The following PCDH9 variants were observed in gnomAD, a reference collection of about 807,000 sequenced individuals.
PCDH9 encodes the protein protocadherin-9.
Under a neutral mutation model 70.6 loss-of-function variants are expected in PCDH9, and 24 were observed. The ratio of observed to expected loss-of-function variants is 0.34; its 90% confidence interval spans 0.25 to 0.48. PCDH9 has a LOEUF of 0.48. PCDH9 is among the 20% of genes least tolerant of loss of function. The probability of loss-of-function intolerance (pLI) is 0.99; values close to 1 mark genes in which losing one functional copy is unlikely to be tolerated. For missense variants in PCDH9, 1,281 were observed against 1,503.6 expected (o/e 0.85, Z 2.45); for synonymous variants, 562 against 558.5 (o/e 1.01, Z -0.09).
intron 3 of PCDH9, among the ~76,000 whole-genome samples, chr13:66,632,801 C>T (rs111584922): frequency 0.013 from 1,911 of 151,802 alleles, 39 homozygotes; most frequent in African/African-American, 0.042. Context: ...AAAGACCTTT[C>T]GATACCATGC....
chr13:67,095,612 T>C (rs993354200), intron 2 of PCDH9, among the ~76,000 whole-genome samples: 3 of 152,140 alleles, frequency 2.0e-5, no homozygotes, highest in Non-Finnish European at 2.9e-5. Context: ...AGTGTGACTT[T>C]GGATGTATTA....
intron 3 of PCDH9, among the ~76,000 whole-genome samples, chr13:66,805,431 A>C (rs1443712391): frequency 6.6e-6 from 1 of 152,194 alleles, no homozygotes; most frequent in East Asian, 1.9e-4. Flanking sequence ...TTCAATAAAG[A>C]TGCAACTTGA....
intron 4 of PCDH9, among the ~76,000 whole-genome samples, chr13:66,376,112 A>G (rs866720507): frequency 1.3e-5 from 2 of 152,156 alleles, no homozygotes; most frequent in African/African-American, 4.8e-5. Context: ...CCCCAGATTT[A>G]CCACTACCAA....
At chr13:66,728,465 T>C (rs1422740554) in intron 3 of PCDH9, among the ~76,000 whole-genome samples, 1 of 152,118 alleles carries the variant, frequency 6.6e-6, no homozygotes, top group Non-Finnish European at 1.5e-5. Flanking sequence ...TGACCATAAT[T>C]ATTAGTTTTA....
chr13:67,114,906 T>C (rs1429920221), intron 2 of PCDH9, among the ~76,000 whole-genome samples: 12 of 152,256 alleles, frequency 7.9e-5, no homozygotes, highest in Admixed American at 7.8e-4. Flanking sequence ...GAGTATATTT[T>C]ATGTGATAAA....
intron 3 of PCDH9, among the ~76,000 whole-genome samples, chr13:66,865,326 C>T (rs748354175): frequency 2.1e-4 from 32 of 152,126 alleles, no homozygotes; most frequent in Non-Finnish European, 3.1e-4. Context: ...TACCAACAGG[C>T]CATTCAATTC....
intron 4 of PCDH9, among the ~76,000 whole-genome samples, chr13:66,510,433 C>T (rs1219599996): frequency 6.6e-6 from 1 of 151,918 alleles, no homozygotes; most frequent in African/African-American, 2.4e-5. Flanking sequence ...CATATGTATA[C>T]ATGTGCCATG....
intron 2 of PCDH9, among the ~76,000 whole-genome samples, chr13:67,035,852 C>T (rs1052403574): frequency 6.6e-6 from 1 of 152,066 alleles, no homozygotes; most frequent in Non-Finnish European, 1.5e-5. Flanking sequence ...TAAAACTTAG[C>T]CCCAAATCCA....
chr13:66,378,560 A>G (rs546735577), intron 4 of PCDH9, among the ~76,000 whole-genome samples: 1 of 152,228 alleles, frequency 6.6e-6, no homozygotes, highest in Non-Finnish European at 1.5e-5. Context: ...AGCTGCACTG[A>G]AGACCTATGA....
In PCDH9 at chr13:66,568,424, C is replaced by T. The variant is rs552807529; in HGVS notation, c.3340+62786G>A. Among the ~76,000 whole-genome samples, 186 of 150,348 alleles carry T rather than the reference C, an allele frequency of 1.2e-3. 1 individual carries two copies. Among genetic ancestry groups the T allele is most frequent in the East Asian group, 7.8e-4 (4 of 5,116 alleles). On this transcript the variant is annotated intron_variant, in intron 4 of 4. Coordinates refer to ENST00000377865, the MANE Select transcript of PCDH9 (RefSeq NM_203487.3). Reference sequence around the variant, plus strand: ...ATTTACTCACAGACACATACACACACGCACACGCACACGCACACACACACA... The same window carrying T: ...ATTTACTCACAGACACATACACACATGCACACGCACACGCACACACACACA...
At chr13:67,104,675 A>G (rs534861087) in intron 2 of PCDH9, among the ~76,000 whole-genome samples, 1 of 152,026 alleles carries the variant, frequency 6.6e-6, no homozygotes, top group East Asian at 1.9e-4. Context: ...CAGCCTCTCG[A>G]GTAGCTGGGA....
chr13:67,014,426 A>C (rs2084516724), intron 2 of PCDH9, among the ~76,000 whole-genome samples: 1 of 152,038 alleles, frequency 6.6e-6, no homozygotes, highest in African/African-American at 2.4e-5. Flanking sequence ...AAAAAATTGG[A>C]ATCTTCAGTC....
intron 4 of PCDH9, among the ~76,000 whole-genome samples, chr13:66,337,362 C>G (rs1163992580): frequency 6.6e-6 from 1 of 151,952 alleles, no homozygotes; most frequent in Non-Finnish European, 1.5e-5. Flanking sequence ...TAAAGGATAA[C>G]TCTTCTTTGA....
In PCDH9 at chr13:67,225,575, C is replaced by G. The variant is rs768683640; in HGVS notation, c.2866G>C (p.Val956Leu). ...ATCACGTGGTGCTTTTTCACGGAAA[C>G]TGGAGTGTCTGGTTTGAGATGAAAA... Reference protein sequence around the residue: ...PAFHLKPDTPVSVKKHHVIQE... With the variant: ...PAFHLKPDTPLSVKKHHVIQE... Residue 956 changes from valine to leucine, a missense_variant, in exon 2 of 5, where the codon GTT becomes CTT. Physicochemically the swap from Val to Leu is conservative, Grantham distance 32. Transcript: ENST00000377865. The G allele has an allele frequency of 7.8e-5, 126 of 1,614,132 alleles. 1 individual carries two copies. In the Middle Eastern group the frequency reaches 6.3e-3, roughly 80 times the overall value.
chr13:66,431,856 C>T (rs909044062), intron 4 of PCDH9, among the ~76,000 whole-genome samples: 1 of 151,916 alleles, frequency 6.6e-6, no homozygotes, highest in African/African-American at 2.4e-5. Flanking sequence ...TCTCATCATT[C>T]TCTTTGATAT....
At chr13:66,898,654 A>G (rs1472344517) in intron 3 of PCDH9, among the ~76,000 whole-genome samples, 1 of 152,060 alleles carries the variant, frequency 6.6e-6, no homozygotes, top group Non-Finnish European at 1.5e-5. Context: ...GTGTCGTATA[A>G]TATTCATACA....
At chr13:67,071,238 G>T (rs1456382021) in intron 2 of PCDH9, among the ~76,000 whole-genome samples, 2 of 152,136 alleles carry the variant, frequency 1.3e-5, no homozygotes, top group South Asian at 4.1e-4. Context: ...GCCACTGGGA[G>T]TAATATTTTC....
chr13:66,717,487 ATATATATATATATATATATATG>A (rs1356102165), intron 3 of PCDH9, among the ~76,000 whole-genome samples: 2 of 18,916 alleles, frequency 1.1e-4, no homozygotes, highest in African/African-American at 1.4e-4. Flanking sequence ...AAAAATATAT[ATATATATATATATATATATATG>A]TATATATGTA....
chr13:66,486,637 G>GAAA (rs35868123), intron 4 of PCDH9, among the ~76,000 whole-genome samples: 5 of 116,094 alleles, frequency 4.3e-5, no homozygotes, highest in East Asian at 5.2e-4. Flanking sequence ...TGCTATCTCA[G>GAAA]AAAAAAAAAA....
Sources: gnomAD v4.1 joint callset for allele counts (sites outside exome capture counted in the v4.1 genomes callset) on GRCh38, gnomAD v4.1.1 for gene constraint, MANE v1.5 for transcripts, NCBI Gene and HGNC (gene_info 2026-07-23, HGNC 2026-07-21) for gene names.